The following ZNF423 variants were observed in gnomAD, a reference collection of about 807,000 sequenced individuals.
ZNF423 encodes the protein Ebf-associated zinc finger protein.
ZNF423 carries 12 observed loss-of-function variants against 95.8 expected under a neutral mutation model. The ratio of observed to expected loss-of-function variants is 0.13; its 90% CI spans 0.08 to 0.20. The LOEUF is 0.20. ZNF423 is among the 10% of genes least tolerant of loss of function. The probability of loss-of-function intolerance (pLI) is 1.00; values close to 1 mark genes in which losing one functional copy is unlikely to be tolerated. For synonymous variants in ZNF423, 749 were observed against 711.9 expected (o/e 1.05, Z -0.83); for missense variants, 1,316 against 1,737.1 (o/e 0.76, Z 4.31).
chr16:49,749,500 A>G lies in ZNF423; in HGVS notation c.101-18529T>C, dbSNP rs143957604. 5.3e-5 allele frequency among the ~76,000 whole-genome samples: 8 copies of G among 152,356 alleles called. No individual in the cohort carries two copies. In the East Asian group the frequency reaches 1.3e-3, roughly 26 times the overall value. On this transcript the variant is annotated intron_variant, in intron 2 of 7. Transcript: ENST00000563137. ...ACAGAAAAGTATAAAGAAAAATAGT[A>G]AAAAACACCTGAAATCTCACTACCA...
At chr16:49,644,002 G>A (rs768100513) in intron 3 of ZNF423, among the ~76,000 whole-genome samples, 12 of 152,212 alleles carry the variant, frequency 7.9e-5, no homozygotes, top group Non-Finnish European at 1.5e-4. Context: ...AAACTGCCTC[G>A]GACACACCTC....
chr16:49,776,474 T>A (rs2034122475), intron 2 of ZNF423, among the ~76,000 whole-genome samples: 1 of 152,108 alleles, frequency 6.6e-6, no homozygotes, highest in Non-Finnish European at 1.5e-5. Flanking sequence ...TCGGCCTTTG[T>A]TTCAGTTTCC....
At chr16:49,652,213 T>C (rs1973434886) in intron 3 of ZNF423, among the ~76,000 whole-genome samples, 1 of 151,896 alleles carries the variant, frequency 6.6e-6, no homozygotes, top group Non-Finnish European at 1.5e-5. Flanking sequence ...GCGTCCACCT[T>C]TCCCCTTGAA....
At chr16:49,496,158 C>T (rs146018700) in intron 7 of ZNF423, among the ~76,000 whole-genome samples, 36 of 152,352 alleles carry the variant, frequency 2.4e-4, no homozygotes, top group African/African-American at 8.2e-4. Context: ...AGATGGGCTA[C>T]GCCTTGGGTT....
intron 5 of ZNF423, among the ~76,000 whole-genome samples, chr16:49,533,701 AG>A (rs1968943119): frequency 1.3e-5 from 2 of 152,380 alleles, no homozygotes; most frequent in South Asian, 2.1e-4. Flanking sequence ...AACATGGCCA[AG>A]AACCAGGCTG....
At position 49,690,223 on chromosome 16, in the gene ZNF423, G is replaced by A. The variant is rs555247289; in HGVS notation, c.301+40548C>T. Among the ~76,000 whole-genome samples, 11 of 152,278 alleles carry A rather than the reference G, an allele frequency of 7.2e-5. No homozygotes were observed. In the East Asian group the frequency reaches 7.7e-4, roughly 11 times the overall value. On this transcript the variant is annotated intron_variant, in intron 3 of 7. Transcript: ENST00000563137. Reference sequence around the variant, plus strand: ...GGGGTAAACTGTGGCTCACAAATACGTTAACTGCTAAAGACTGTGGGCAGA... The same window carrying A: ...GGGGTAAACTGTGGCTCACAAATACATTAACTGCTAAAGACTGTGGGCAGA...
At chr16:49,592,662 G>A (rs74017975) in intron 5 of ZNF423, among the ~76,000 whole-genome samples, 5,991 of 152,272 alleles carry the variant, frequency 0.039, 399 homozygotes, top group African/African-American at 0.14. Flanking sequence ...CACACCAGCC[G>A]GGAGTCAGCC....
chr16:49,736,943 G>A (rs2033300558), intron 2 of ZNF423, among the ~76,000 whole-genome samples: 1 of 152,228 alleles, frequency 6.6e-6, no homozygotes, highest in Admixed American at 6.5e-5. Context: ...CCTCTAGAGG[G>A]AAGGAGCAGC....
chr16:49,692,568 G>A (rs1440425843), intron 3 of ZNF423, among the ~76,000 whole-genome samples: 1 of 152,228 alleles, frequency 6.6e-6, no homozygotes, highest in Non-Finnish European at 1.5e-5. Context: ...AGACTGAGAA[G>A]CCTGCAGCCG....
chr16:49,822,608 A>T, intron 1 of ZNF423: 3 of 1,394,748 alleles, frequency 2.2e-6, no homozygotes, highest in Non-Finnish European at 3.0e-6. Flanking sequence ...CTCTAGTTCG[A>T]GCTCCTTCTG....
chr16:49,612,124 C>A (rs933231323), intron 5 of ZNF423, among the ~76,000 whole-genome samples: 4 of 152,016 alleles, frequency 2.6e-5, no homozygotes, highest in Admixed American at 1.3e-4. Context: ...GGGCACTTCC[C>A]AGTTTATTTC....
At chr16:49,640,131 C>CGCCA (rs1178836963) in intron 3 of ZNF423, among the ~76,000 whole-genome samples, 3 of 152,182 alleles carry the variant, frequency 2.0e-5, no homozygotes, top group Non-Finnish European at 4.4e-5. Context: ...CCTCTCCAGC[C>CGCCA]GCCAGCCAGC....
At chr16:49,664,351 G>A in intron 3 of ZNF423, 1 of 947,724 alleles carries the variant, frequency 1.1e-6, no homozygotes, top group Non-Finnish European at 1.3e-6. Context: ...GAAGGGCCTT[G>A]GGGAAGAAAA....
At chr16:49,630,269 G>A (rs1283467828) in intron 4 of ZNF423, among the ~76,000 whole-genome samples, 1 of 152,180 alleles carries the variant, frequency 6.6e-6, no homozygotes, top group Admixed American at 6.5e-5. Context: ...ACACATCTCA[G>A]GTCAACTCCA....
At chr16:49,822,439 G>A (rs1242858221) in intron 1 of ZNF423, among the ~76,000 whole-genome samples, 1 of 152,124 alleles carries the variant, frequency 6.6e-6, no homozygotes, top group Admixed American at 6.5e-5. Context: ...CTCCCAAAAT[G>A]TTGGGATTAC....
intron 3 of ZNF423, among the ~76,000 whole-genome samples, chr16:49,690,418 G>C (rs778293602): frequency 6.6e-6 from 1 of 152,208 alleles, no homozygotes; most frequent in Non-Finnish European, 1.5e-5. Context: ...GACTACTTGG[G>C]AGGCTGAGGC....
chr16:49,767,463 C>G (rs2033951127), intron 2 of ZNF423, among the ~76,000 whole-genome samples: 1 of 152,154 alleles, frequency 6.6e-6, no homozygotes, highest in Non-Finnish European at 1.5e-5. Flanking sequence ...TTCATATGAA[C>G]CATTCTGAGA....
intron 1 of ZNF423, among the ~76,000 whole-genome samples, chr16:49,837,587 C>T (rs2035134313): frequency 6.6e-6 from 1 of 152,176 alleles, no homozygotes; most frequent in African/African-American, 2.4e-5. Flanking sequence ...TCCCAGTACC[C>T]GACCCTGCCT....
intron 3 of ZNF423, among the ~76,000 whole-genome samples, chr16:49,712,614 C>T (rs1423927296): frequency 1.3e-5 from 2 of 152,228 alleles, no homozygotes; most frequent in African/African-American, 4.8e-5. Flanking sequence ...TCTAATTCCA[C>T]CTTAATATCC....
Sources: gnomAD v4.1 joint callset for allele counts (sites outside exome capture counted in the v4.1 genomes callset) on GRCh38, gnomAD v4.1.1 for gene constraint, MANE v1.5 for transcripts, NCBI Gene and HGNC (gene_info 2026-07-23, HGNC 2026-07-21) for gene names.